TPO: variants seen among roughly 807,000 people sequenced by gnomAD.
The protein encoded by TPO is thyroid peroxidase.
TPO carries 78 observed loss-of-function variants against 96.9 expected under a neutral mutation model. The observed-to-expected ratio is 0.81, with a 90% CI of 0.67 to 0.97. The LOEUF (loss-of-function observed/expected upper bound fraction) is 0.97, where lower values mean the gene tolerates loss of function less well. Ranked by LOEUF, TPO falls within the 50% of genes least tolerant of loss-of-function variation. The pLI, the probability that TPO is intolerant of heterozygous loss-of-function variation, is 0.00. For missense variants in TPO, 1,252 were observed against 1,274.8 expected (o/e 0.98, Z 0.27); for synonymous variants, 547 against 538.0 (o/e 1.02, Z -0.23).
At position 1,426,016 on chromosome 2, in the gene TPO, C is replaced by T. The variant is rs183262237; in HGVS notation, c.179+2887C>T. Among the ~76,000 whole-genome samples the T allele has an allele frequency of 6.5e-3, 928 of 142,432 alleles. 40 individuals carry two copies. The highest frequency in any genetic ancestry group is 0.024 in the African/African-American group (892 of 36,906). 93.4% of individuals were successfully genotyped at this position (142,432 alleles called of 152,430 possible). A position where few individuals can be genotyped will look rare whatever the true frequency, so the allele number is the denominator to read the frequency against. ...AGATGCCAGGATACAGAGATGAGTT[C>T]GATCATTTCATATTCTCAGAAGTCC... On this transcript the variant is annotated intron_variant, in intron 3 of 16. Transcript: ENST00000329066.
At chr2:1,385,546 G>A (rs933912003) in intron 1 of TPO, among the ~76,000 whole-genome samples, 5 of 151,682 alleles carry the variant, frequency 3.3e-5, no homozygotes, top group Admixed American at 6.6e-5. Context: ...CTGTGGGATC[G>A]GTGGTGATAT....
At chr2:1,540,103 G>T (rs1164343204) in intron 15 of TPO, among the ~76,000 whole-genome samples, 2 of 152,136 alleles carry the variant, frequency 1.3e-5, no homozygotes, top group African/African-American at 2.4e-5. Flanking sequence ...GAGACCAGGG[G>T]GCCTCCACCC....
Position 1,484,697 on chromosome 2 carries a change from T to C in TPO, c.1440T>C (p.Thr480=), listed in dbSNP as rs1386179062. Residue 480 remains threonine (T), a synonymous_variant, in exon 9 of 17, where the codon ACT becomes ACC. Transcript: ENST00000329066. The part of the protein sequence containing the change: ...YEGYDSTANP[T]VSNVFSTAAF... ...GCTATGACTCCACCGCCAACCCCAC[T>C]GTGTCCAACGTGTTCTCCACAGCCG... The C allele has an allele frequency of 3.1e-6, 5 of 1,614,116 alleles. No individual in the cohort carries two copies. Among genetic ancestry groups the C allele is most frequent in the Admixed American group, 1.7e-5 (1 of 60,024 alleles).
chr2:1,453,534 G>A (rs1052792650), intron 5 of TPO, among the ~76,000 whole-genome samples, 160 bp from the exon 6 acceptor site: 13 of 152,154 alleles, frequency 8.5e-5, no homozygotes, highest in African/African-American at 3.1e-4. Context: ...CATGACCTGG[G>A]CCTCCAGGAG....
At chr2:1,538,347 C>T (rs1022848167) in intron 15 of TPO, among the ~76,000 whole-genome samples, 1 of 152,148 alleles carries the variant, frequency 6.6e-6, no homozygotes, top group Non-Finnish European at 1.5e-5. Context: ...GTCCTTGTTT[C>T]TAAAGTGTTC....
chr2:1,522,115 A>C (rs1215915290), intron 15 of TPO, among the ~76,000 whole-genome samples: 2 of 138,156 alleles, frequency 1.4e-5, no homozygotes, highest in Non-Finnish European at 1.6e-5. Flanking sequence ...CAGTCTCTCT[A>C]CCCGACACCG....
intron 1 of TPO, among the ~76,000 whole-genome samples, chr2:1,393,575 G>A (rs563937088): frequency 1.1e-4 from 17 of 152,330 alleles, no homozygotes; most frequent in East Asian, 7.7e-4. Flanking sequence ...CTGTGAACCC[G>A]CTGATAGCAA....
chr2:1,379,270 A>G (rs1340131981), intron 1 of TPO, among the ~76,000 whole-genome samples: 2 of 150,336 alleles, frequency 1.3e-5, no homozygotes, highest in African/African-American at 2.5e-5. Context: ...GCGCCACTGC[A>G]CTCCAGTCTG....
At chr2:1,498,439 G>A (rs1330404848) in intron 13 of TPO, among the ~76,000 whole-genome samples, 2 of 152,240 alleles carry the variant, frequency 1.3e-5, no homozygotes, top group Admixed American at 6.5e-5. Context: ...CTCACTAACG[G>A]CACAAGGAGC....
chr2:1,505,185 C>A (rs1004362651), intron 14 of TPO, among the ~76,000 whole-genome samples: 1 of 152,152 alleles, frequency 6.6e-6, no homozygotes, highest in Non-Finnish European at 1.5e-5. Context: ...CTTTCTGGGG[C>A]TCTCAAGCTA....
At chr2:1,512,527 T>C in intron 14 of TPO, 6 of 973,852 alleles carry the variant, frequency 6.2e-6, no homozygotes, top group Non-Finnish European at 7.3e-6. Context: ...GTGCTGTCCC[T>C]GCCCCGCTCC....
chr2:1,535,420 GTGTGCAACCTCCCCAAATCCCCCCCACTC>G lies in TPO; in HGVS notation c.2619-5154_2619-5126del, dbSNP rs1401032439. Among the ~76,000 whole-genome samples the G allele has an allele frequency of 8.1e-4, 20 of 24,806 alleles. 1 individual carries two copies. The highest frequency in any genetic ancestry group is 1.2e-3 in the Non-Finnish European group (15 of 12,836). The allele number at this position is 24,806 out of a possible 152,430, so 16.3% of individuals were successfully genotyped here. A position where few individuals can be genotyped will look rare whatever the true frequency, so the allele number is the denominator to read the frequency against. ...AGCAACCTCCCCAAATCCCCCTACT[GTGTGCAACCTCCCCAAATCCCCCCCACTC>G]TGTGCAACCTCCCCAAATCAGCCCC... is the stretch of plus-strand genomic sequence containing the variant. On this transcript the variant is annotated intron_variant, in intron 15 of 16. Coordinates refer to ENST00000329066, the MANE Select transcript of TPO (RefSeq NM_001206744.2).
At chr2:1,435,607 C>T (rs1665487716) in intron 4 of TPO, among the ~76,000 whole-genome samples, 1 of 151,778 alleles carries the variant, frequency 6.6e-6, no homozygotes, top group Admixed American at 6.6e-5. Context: ...TACTAATGGA[C>T]AATAAAGCCA....
At position 1,436,267 on chromosome 2, in the gene TPO, A is replaced by T. The variant is rs1665558313; in HGVS notation, c.365A>T (p.Asp122Val). 6.2e-7 allele frequency: 1 copy of T among 1,614,108 alleles called. No individual in the cohort carries two copies. The highest frequency in any genetic ancestry group is 1.3e-5 in the African/African-American group (1 of 74,940). The change falls in exon 5 of 17, where the codon GAT (aspartate) becomes GTT (valine). Residue 122 changes from aspartate (D) to valine (V), a missense_variant. Coordinates refer to ENST00000329066, the MANE Select transcript of TPO (RefSeq NM_001206744.2). The stretch of plus-strand genomic sequence containing the variant: ...TTTTTCACAGATGCTTTATCAGAAG[A>T]TCTGCTGAGCATCATTGCAAACATG... Reference protein sequence around the residue: ...SQHPTDALSEDLLSIIANMSG... With the variant: ...SQHPTDALSEVLLSIIANMSG...
chr2:1,428,635 C>G (rs1345922308), intron 3 of TPO, among the ~76,000 whole-genome samples: 2 of 152,128 alleles, frequency 1.3e-5, no homozygotes, highest in East Asian at 3.8e-4. Context: ...GGTGAGCCCT[C>G]GAGTGGGTGC....
intron 16 of TPO, 127 bp downstream of exon 16, chr2:1,540,850 G>A: frequency 6.4e-7 from 1 of 1,567,334 alleles, no homozygotes; most frequent in Non-Finnish European, 8.6e-7. Flanking sequence ...AGTCCGTTCT[G>A]CACCTTCCTC....
At chr2:1,447,046 C>G (rs1007628256) in intron 5 of TPO, among the ~76,000 whole-genome samples, 1 of 151,992 alleles carries the variant, frequency 6.6e-6, no homozygotes, top group Non-Finnish European at 1.5e-5. Context: ...CTAAGTCTTG[C>G]GATCATCTGA....
At chr2:1,507,165 G>C (rs905258473) in intron 14 of TPO, among the ~76,000 whole-genome samples, 1 of 152,130 alleles carries the variant, frequency 6.6e-6, no homozygotes. Context: ...TGTTGTTTTT[G>C]TCAGGTTTGT....
intron 13 of TPO, among the ~76,000 whole-genome samples, chr2:1,499,185 C>T (rs377714418): frequency 6.6e-6 from 1 of 152,244 alleles, no homozygotes; most frequent in East Asian, 1.9e-4. Flanking sequence ...TACAACCTGC[C>T]TGTGTGGAGC....
Sources: gnomAD v4.1 joint callset for allele counts (sites outside exome capture counted in the v4.1 genomes callset) on GRCh38, gnomAD v4.1.1 for gene constraint, MANE v1.5 for transcripts, NCBI Gene and HGNC (gene_info 2026-07-23, HGNC 2026-07-21) for gene names.